The following DTNA variants were observed in gnomAD, a reference collection of about 807,000 sequenced individuals.
DTNA encodes the protein dystrophin-related protein 3.
A neutral mutation model predicts 100.7 loss-of-function variants in DTNA; 43 were observed. That is an observed-to-expected ratio of 0.43 (90% CI 0.33 to 0.55). DTNA has a LOEUF of 0.55. DTNA is among the 20% of genes least tolerant of loss of function. DTNA has a pLI of 0.04. For missense variants in DTNA, 798 were observed against 953.9 expected, an observed-to-expected ratio of 0.84 and a Z score of 2.15; for synonymous variants, 349 against 347.9, an observed-to-expected ratio of 1.00 and a Z score of -0.04.
chr18:34,600,864 C>T (rs1427758443), intron 1 of DTNA, among the ~76,000 whole-genome samples: 5 of 152,204 alleles, frequency 3.3e-5, no homozygotes, highest in Admixed American at 2.0e-4. Flanking sequence ...AATTTAGCCA[C>T]CACAGATTAG....
At chr18:34,520,373 C>A (rs956116961) in intron 1 of DTNA, among the ~76,000 whole-genome samples, 3 of 152,124 alleles carry the variant, frequency 2.0e-5, no homozygotes, top group African/African-American at 4.8e-5. Context: ...TTCCCAGGGC[C>A]AGATGCGGTG....
At chr18:34,847,461 T>C (rs1272645693) in intron 13 of DTNA, among the ~76,000 whole-genome samples, 2 of 152,178 alleles carry the variant, frequency 1.3e-5, no homozygotes, top group Non-Finnish European at 1.5e-5. Flanking sequence ...ATAACAAACA[T>C]TTATCATCTC....
At chr18:34,730,195 C>T (rs2087755467) in intron 1 of DTNA, among the ~76,000 whole-genome samples, 1 of 152,198 alleles carries the variant, frequency 6.6e-6, no homozygotes, top group Non-Finnish European at 1.5e-5. Context: ...CTGGGCAAAG[C>T]TGCACTTAAC....
At position 34,710,675 on chromosome 18, in the gene DTNA, A is replaced by AGTGT. The variant is rs113472325; in HGVS notation, c.-2+253_-2+256dup. Among the ~76,000 whole-genome samples, 18,734 of 147,864 alleles carry AGTGT rather than the reference A, an allele frequency of 0.13. 1,240 individuals are homozygous for AGTGT. The highest frequency in any genetic ancestry group is 0.2 in the African/African-American group (8,008 of 40,634). ...TTTTATGGCAGTGTGTGTGTGTGGG[A>AGTGT]GTGTGTGTGTGTGTGTGTGTGTGTG... On this transcript the variant is annotated intron_variant, in intron 1 of 22. Coordinates refer to ENST00000444659, the MANE Select transcript of DTNA (RefSeq NM_001386795.1).
intron 3 of DTNA, among the ~76,000 whole-genome samples, chr18:34,790,350 A>G (rs1163921476): frequency 6.8e-6 from 1 of 148,082 alleles, no homozygotes; most frequent in East Asian, 1.9e-4. Context: ...CAAGGGGTAT[A>G]AAACCCGGAG....
intron 1 of DTNA, among the ~76,000 whole-genome samples, chr18:34,592,746 G>A (rs1287986553): frequency 1.3e-5 from 2 of 152,012 alleles, no homozygotes; most frequent in Non-Finnish European, 2.9e-5. Context: ...CATTTACTAA[G>A]ACTCATTCAA....
chr18:34,723,049 A>G (rs1023261286), intron 1 of DTNA, among the ~76,000 whole-genome samples: 3 of 152,200 alleles, frequency 2.0e-5, no homozygotes, highest in African/African-American at 7.2e-5. Flanking sequence ...GTAAATGTCT[A>G]TGGGAATTTT....
chr18:34,744,049 C>T (rs186089565), intron 1 of DTNA, among the ~76,000 whole-genome samples: 1 of 152,228 alleles, frequency 6.6e-6, no homozygotes, highest in Admixed American at 6.5e-5. Flanking sequence ...AAAATTGCCA[C>T]CTCTTCACTG....
At chr18:34,821,604 G>A in intron 9 of DTNA, 3 of 418,736 alleles carry the variant, frequency 7.2e-6, no homozygotes, top group Non-Finnish European at 1.4e-5. Context: ...AGGGGGCTTA[G>A]GTAGAAGAAA....
At chr18:34,722,826 G>T (rs1298727691) in intron 1 of DTNA, among the ~76,000 whole-genome samples, 3 of 151,916 alleles carry the variant, frequency 2.0e-5, no homozygotes, top group Admixed American at 2.0e-4. Flanking sequence ...ATACTTTTTT[G>T]GTCTGGTTTC....
At chr18:34,673,848 A>G (rs2077072367) in intron 1 of DTNA, among the ~76,000 whole-genome samples, 1 of 152,212 alleles carries the variant, frequency 6.6e-6, no homozygotes, top group African/African-American at 2.4e-5. Flanking sequence ...ACGAAATATC[A>G]AGAATAAAAC....
intron 1 of DTNA, among the ~76,000 whole-genome samples, chr18:34,680,685 A>G (rs888683680): frequency 2.6e-5 from 4 of 152,166 alleles, no homozygotes; most frequent in Non-Finnish European, 5.9e-5. Context: ...TGGTAATTCT[A>G]TTTATTTACA....
chr18:34,517,591 C>T (rs2041772354), intron 1 of DTNA, among the ~76,000 whole-genome samples: 2 of 151,816 alleles, frequency 1.3e-5, no homozygotes, highest in Admixed American at 1.3e-4. Flanking sequence ...TATCCATGCT[C>T]ATTTCTCTTC....
chr18:34,585,743 AGTATC>A (rs2049068405), intron 1 of DTNA, among the ~76,000 whole-genome samples: 2 of 151,936 alleles, frequency 1.3e-5, no homozygotes, highest in Non-Finnish European at 2.9e-5. Flanking sequence ...TAGGTATCTG[AGTATC>A]ATGTGGGAAT....
intron 13 of DTNA, among the ~76,000 whole-genome samples, chr18:34,839,754 T>G (rs1158545051): frequency 6.6e-6 from 1 of 152,350 alleles, no homozygotes; most frequent in East Asian, 1.9e-4. Flanking sequence ...ATGGGTTCAA[T>G]TTCCATTAAA....
intron 9 of DTNA, among the ~76,000 whole-genome samples, chr18:34,827,386 A>G (rs1414627685): frequency 1.3e-5 from 2 of 152,192 alleles, no homozygotes; most frequent in Non-Finnish European, 2.9e-5. Flanking sequence ...TCTTCCTCCC[A>G]GTGTTTACCT....
chr18:34,580,821 G>T (rs1164829498), intron 1 of DTNA, among the ~76,000 whole-genome samples: 1 of 152,056 alleles, frequency 6.6e-6, no homozygotes, highest in Non-Finnish European at 1.5e-5. Context: ...CCCTGCCCCA[G>T]CCTGTATCAA....
intron 1 of DTNA, among the ~76,000 whole-genome samples, chr18:34,686,748 G>T (rs2078959554): frequency 6.6e-6 from 1 of 152,054 alleles, no homozygotes; most frequent in Non-Finnish European, 1.5e-5. Context: ...GTAGAATTTG[G>T]CTATGAATCC....
intron 1 of DTNA, among the ~76,000 whole-genome samples, chr18:34,634,118 A>G (rs1022402951): frequency 6.6e-6 from 1 of 152,214 alleles, no homozygotes; most frequent in African/African-American, 2.4e-5. Flanking sequence ...GATTTGGAAG[A>G]TAAAACCTCT....
Sources: gnomAD v4.1 joint callset for allele counts (sites outside exome capture counted in the v4.1 genomes callset) on GRCh38, gnomAD v4.1.1 for gene constraint, MANE v1.5 for transcripts, NCBI Gene and HGNC (gene_info 2026-07-23, HGNC 2026-07-21) for gene names.